HPGDS: variants seen among roughly 807,000 people sequenced by gnomAD.
The protein encoded by HPGDS is GST class-sigma.
HPGDS carries 26 observed loss-of-function variants against 23.1 expected under a neutral mutation model. The observed-to-expected ratio is 1.13, with a 90% CI of 0.83 to 1.56. The LOEUF is 1.56. Ranked by LOEUF, HPGDS falls within the 40% of genes most tolerant of loss-of-function variation. The probability of loss-of-function intolerance (pLI) is 0.00; values close to 1 mark genes in which losing one functional copy is unlikely to be tolerated. For missense variants in HPGDS, 268 were observed against 236.4 expected, an observed-to-expected ratio of 1.13 and a Z score of -0.88; for synonymous variants, 95 against 77.9, an observed-to-expected ratio of 1.22 and a Z score of -1.16.
intron 3 of HPGDS, among the ~76,000 whole-genome samples, chr4:94,309,900 A>C (rs1239095424): frequency 6.6e-6 from 1 of 152,018 alleles, no homozygotes; most frequent in Non-Finnish European, 1.5e-5. Flanking sequence ...GCATTTTTTC[A>C]TGTGTCTTTT....
intron 3 of HPGDS, among the ~76,000 whole-genome samples, chr4:94,314,394 C>T (rs1426797126): frequency 1.3e-5 from 2 of 152,132 alleles, no homozygotes; most frequent in African/African-American, 4.8e-5. Flanking sequence ...TGGAGTTTGC[C>T]AGAGGTCCAC....
intron 5 of HPGDS, among the ~76,000 whole-genome samples, chr4:94,299,966 A>G (rs1482754281): frequency 2.0e-5 from 3 of 152,186 alleles, no homozygotes; most frequent in African/African-American, 4.8e-5. Context: ...TCCTTATCCA[A>G]TAACCAATAC....
At chr4:94,329,292 A>C (rs973654621) in intron 2 of HPGDS, among the ~76,000 whole-genome samples, 1 of 152,204 alleles carries the variant, frequency 6.6e-6, no homozygotes, top group African/African-American at 2.4e-5. Flanking sequence ...CCCTGGTCAC[A>C]CACCTGGTAA....
intron 3 of HPGDS, among the ~76,000 whole-genome samples, chr4:94,312,419 G>T (rs2126038053): frequency 6.6e-6 from 1 of 152,192 alleles, no homozygotes; most frequent in East Asian, 1.9e-4. Context: ...TCAGGAGCAG[G>T]TTGTTCAGTT....
chr4:94,317,973 T>A lies in HPGDS; in HGVS notation c.134-8A>T. The stretch of plus-strand genomic sequence containing the variant: ...TTTTTCCAAATGGGAGAGCTTAAAA[T>A]GAAATGAGCAAATAATTAACTTCAT... On this transcript the variant is annotated splice_polypyrimidine_tract_variant and splice_region_variant and intron_variant, in intron 2 of 5. Transcript: ENST00000295256. 1 of 1,533,262 alleles carries A rather than the reference T, an allele frequency of 6.5e-7. No homozygotes were observed. The highest frequency in any genetic ancestry group is 9.0e-7 in the Non-Finnish European group (1 of 1,108,932). 95.0% of individuals were successfully genotyped at this position (1,533,262 alleles called of 1,614,324 possible). A position where few individuals can be genotyped will look rare whatever the true frequency, so the allele number is the denominator to read the frequency against.
At chr4:94,338,842 C>A (rs1721078252) in intron 1 of HPGDS, among the ~76,000 whole-genome samples, 1 of 152,110 alleles carries the variant, frequency 6.6e-6, no homozygotes, top group South Asian at 2.1e-4. Context: ...TATATTTAAA[C>A]TTCGAGAGAT....
intron 3 of HPGDS, among the ~76,000 whole-genome samples, chr4:94,313,975 G>T (rs962058921): frequency 9.9e-5 from 15 of 152,156 alleles, no homozygotes; most frequent in Admixed American, 2.6e-4. Flanking sequence ...TCGTGCCATG[G>T]TTTTCAGCTC....
intron 2 of HPGDS, among the ~76,000 whole-genome samples, chr4:94,323,851 T>A (rs1337248720): frequency 6.6e-6 from 1 of 152,206 alleles, no homozygotes; most frequent in Non-Finnish European, 1.5e-5. Flanking sequence ...GTTTCTTCCT[T>A]GCATTGATGG....
chr4:94,333,183 C>T (rs919181375), intron 2 of HPGDS, among the ~76,000 whole-genome samples: 1 of 152,210 alleles, frequency 6.6e-6, no homozygotes, highest in African/African-American at 2.4e-5. Flanking sequence ...GACCAAATAA[C>T]ATTTGTAATA....
chr4:94,323,471 G>A (rs1756559627), intron 2 of HPGDS, among the ~76,000 whole-genome samples: 1 of 152,192 alleles, frequency 6.6e-6, no homozygotes, highest in African/African-American at 2.4e-5. Flanking sequence ...ATATATTTAG[G>A]ATAGTTAGCT....
intron 3 of HPGDS, among the ~76,000 whole-genome samples, chr4:94,312,885 A>T (rs529111176): frequency 2.6e-4 from 40 of 152,280 alleles, no homozygotes; most frequent in Non-Finnish European, 1.9e-4. Flanking sequence ...CTTTACCATT[A>T]TGTAATGGCC....
At chr4:94,314,068 T>A (rs1756339846) in intron 3 of HPGDS, among the ~76,000 whole-genome samples, 1 of 152,202 alleles carries the variant, frequency 6.6e-6, no homozygotes, top group East Asian at 1.9e-4. Context: ...TTTAAACTCC[T>A]TTGCCATGGG....
chr4:94,335,272 C>T (rs1720976765), intron 1 of HPGDS, among the ~76,000 whole-genome samples: 1 of 152,224 alleles, frequency 6.6e-6, no homozygotes, highest in African/African-American at 2.4e-5. Context: ...CATCTCCAGA[C>T]CTCTGCAGAG....
intron 3 of HPGDS, among the ~76,000 whole-genome samples, chr4:94,316,869 G>T (rs1421548545): frequency 6.6e-6 from 1 of 152,218 alleles, no homozygotes; most frequent in Admixed American, 6.5e-5. Context: ...GAAAAGCACT[G>T]CCCAGGTCCA....
At chr4:94,341,722 T>C (rs536140535) in intron 1 of HPGDS, among the ~76,000 whole-genome samples, 1 of 152,344 alleles carries the variant, frequency 6.6e-6, no homozygotes, top group South Asian at 2.1e-4. Flanking sequence ...GTGAATTTGC[T>C]ATAGCTCTTC....
chr4:94,300,284 A>T (rs1272067147), intron 5 of HPGDS, among the ~76,000 whole-genome samples: 1 of 152,214 alleles, frequency 6.6e-6, no homozygotes, highest in Admixed American at 6.5e-5. Context: ...ACATAAAAAG[A>T]ATATATGGAT....
intron 2 of HPGDS, among the ~76,000 whole-genome samples, chr4:94,327,253 C>T (rs1756648651): frequency 6.6e-6 from 1 of 152,166 alleles, no homozygotes; most frequent in Non-Finnish European, 1.5e-5. Flanking sequence ...ATGATGTGCA[C>T]AAGCACTGGT....
chr4:94,323,432 G>C (rs1311147714), intron 2 of HPGDS, among the ~76,000 whole-genome samples: 1 of 152,200 alleles, frequency 6.6e-6, no homozygotes, highest in Non-Finnish European at 1.5e-5. Flanking sequence ...CTTGGTTTAT[G>C]AATCTGGATG....
intron 2 of HPGDS, among the ~76,000 whole-genome samples, chr4:94,320,106 G>A (rs905732257): frequency 9.2e-5 from 14 of 152,080 alleles, no homozygotes; most frequent in African/African-American, 3.4e-4. Flanking sequence ...CTTTTTTATG[G>A]CTGCATAGTA....
Sources: allele counts gnomAD v4.1 joint callset (sites outside exome capture counted in the v4.1 genomes callset), GRCh38; gene constraint gnomAD v4.1.1; transcripts MANE v1.5; gene names NCBI Gene and HGNC (gene_info 2026-07-23, HGNC 2026-07-21).